Variants in CDH13 observed in about 807,000 individuals in gnomAD.
CDH13 encodes the protein cadherin 13.
In CDH13, 24 loss-of-function variants were observed where a neutral mutation model predicts 63.8. The observed-to-expected ratio is 0.38, with a 90% CI of 0.27 to 0.53. The LOEUF (loss-of-function observed/expected upper bound fraction) is 0.53. Ranked by LOEUF, CDH13 falls within the 20% of genes least tolerant of loss-of-function variation. CDH13 has a pLI of 0.85. For synonymous variants in CDH13, 503 were observed against 355.3 expected, an observed-to-expected ratio of 1.42 and a Z score of -4.67; for missense variants, 1,049 against 903.1, an observed-to-expected ratio of 1.16 and a Z score of -2.07.
intron 6 of CDH13, among the ~76,000 whole-genome samples, chr16:83,365,387 T>A (rs1447536023): frequency 6.6e-6 from 1 of 152,194 alleles, no homozygotes; most frequent in Non-Finnish European, 1.5e-5. Context: ...TTTCTCAGTC[T>A]AATAATTCAA....
intron 4 of CDH13, among the ~76,000 whole-genome samples, chr16:83,143,712 G>C (rs1004213484): frequency 1.3e-5 from 2 of 152,102 alleles, no homozygotes; most frequent in Admixed American, 6.5e-5. Context: ...TGGGTGCTTC[G>C]TTCTGCTCTT....
intron 6 of CDH13, among the ~76,000 whole-genome samples, chr16:83,464,294 T>G (rs575715416): frequency 6.6e-6 from 1 of 152,122 alleles, no homozygotes; most frequent in South Asian, 2.1e-4. Context: ...GGGTGGATCA[T>G]GTGAAGTCAG....
At position 83,718,136 on chromosome 16, in the gene CDH13, C is replaced by T. The variant is rs1467233043; in HGVS notation, c.1539-29972C>T. Among the ~76,000 whole-genome samples, 3 of 152,136 alleles carry T rather than the reference C, an allele frequency of 2.0e-5. No individual in the cohort carries two copies. In the East Asian group the frequency reaches 5.8e-4, roughly 29 times the overall value. On this transcript the variant is annotated intron_variant, in intron 10 of 13. Transcript: ENST00000567109. ...GTTGGCAGAAAATCCCATAAAATAC[C>T]AGCGGGAGAGCAGGAAGTGGGACAG...
chr16:82,828,393 A>G (rs1486905555), intron 1 of CDH13, among the ~76,000 whole-genome samples: 2 of 152,140 alleles, frequency 1.3e-5, no homozygotes, highest in Non-Finnish European at 2.9e-5. Flanking sequence ...CAAGGCAAAC[A>G]GATGACTTGA....
intron 10 of CDH13, among the ~76,000 whole-genome samples, chr16:83,692,612 C>G (rs894728656): frequency 2.0e-5 from 3 of 152,176 alleles, no homozygotes; most frequent in Middle Eastern, 3.2e-3. Flanking sequence ...TTTTGCCAAA[C>G]TTACTATAGG....
chr16:82,722,445 C>G (rs541799566), intron 1 of CDH13, among the ~76,000 whole-genome samples: 1 of 152,182 alleles, frequency 6.6e-6, no homozygotes, highest in Admixed American at 6.5e-5. Flanking sequence ...ACTGAACAGT[C>G]CTTGCAGAGG....
intron 8 of CDH13, among the ~76,000 whole-genome samples, chr16:83,625,195 T>A (rs1034042064): frequency 6.6e-6 from 1 of 150,532 alleles, no homozygotes; most frequent in Non-Finnish European, 1.5e-5. Flanking sequence ...TGCTCATGTG[T>A]GTGTGTGCAT....
intron 8 of CDH13, among the ~76,000 whole-genome samples, chr16:83,633,697 C>T (rs1191460075): frequency 6.6e-6 from 1 of 152,164 alleles, no homozygotes; most frequent in African/African-American, 2.4e-5. Flanking sequence ...CTTTCCGTAG[C>T]ACTTTCTCTC....
chr16:83,457,113 C>T (rs537787794), intron 6 of CDH13, among the ~76,000 whole-genome samples: 2 of 152,300 alleles, frequency 1.3e-5, no homozygotes, highest in Non-Finnish European at 2.9e-5. Context: ...CAAGCCAAAA[C>T]ACCTGGGCAC....
At chr16:83,006,317 C>T (rs1486092230) in intron 2 of CDH13, among the ~76,000 whole-genome samples, 2 of 152,210 alleles carry the variant, frequency 1.3e-5, no homozygotes, top group Non-Finnish European at 2.9e-5. Flanking sequence ...GAGAGGAAAA[C>T]AATTTTGATC....
intron 10 of CDH13, among the ~76,000 whole-genome samples, chr16:83,723,512 G>C (rs1909963295): frequency 6.6e-6 from 1 of 152,102 alleles, no homozygotes; most frequent in Admixed American, 6.5e-5. Context: ...GCCTTCATGT[G>C]ACTGTCTCCT....
chr16:82,792,908 A>G (rs927892574), intron 1 of CDH13, among the ~76,000 whole-genome samples: 35 of 145,266 alleles, frequency 2.4e-4, no homozygotes, highest in African/African-American at 8.7e-4. Flanking sequence ...CACTCTCCCA[A>G]AGGCACCCAT....
intron 4 of CDH13, among the ~76,000 whole-genome samples, chr16:83,130,853 G>C (rs983997128): frequency 6.6e-6 from 1 of 152,164 alleles, no homozygotes; most frequent in Non-Finnish European, 1.5e-5. Flanking sequence ...AAAGAAAGGA[G>C]ACTCATATCC....
At chr16:82,732,104 C>G (rs1334886198) in intron 1 of CDH13, among the ~76,000 whole-genome samples, 3 of 152,144 alleles carry the variant, frequency 2.0e-5, no homozygotes, top group Non-Finnish European at 4.4e-5. Context: ...TGACACTTGA[C>G]TTAATTATAG....
chr16:83,329,623 G>A (rs922897927), intron 5 of CDH13, among the ~76,000 whole-genome samples: 2 of 152,086 alleles, frequency 1.3e-5, no homozygotes, highest in African/African-American at 4.8e-5. Context: ...ATGCTATTGT[G>A]AAACACATCT....
At chr16:83,633,392 T>C (rs1426337914) in intron 8 of CDH13, among the ~76,000 whole-genome samples, 3 of 152,198 alleles carry the variant, frequency 2.0e-5, no homozygotes, top group Non-Finnish European at 4.4e-5. Context: ...GACCTCACCG[T>C]AGAAGAGCAC....
At chr16:82,746,088 C>T (rs2034151084) in intron 1 of CDH13, among the ~76,000 whole-genome samples, 1 of 151,836 alleles carries the variant, frequency 6.6e-6, no homozygotes, top group Admixed American at 6.6e-5. Flanking sequence ...CTATGTCTTT[C>T]TATTTCTCTC....
chr16:83,365,667 A>G (rs1359481637), intron 6 of CDH13, among the ~76,000 whole-genome samples: 1 of 152,132 alleles, frequency 6.6e-6, no homozygotes, highest in Non-Finnish European at 1.5e-5. Flanking sequence ...GGACCCAGGT[A>G]ATCACATGGG....
At chr16:83,056,170 A>G (rs1034138408) in intron 3 of CDH13, among the ~76,000 whole-genome samples, 4 of 152,212 alleles carry the variant, frequency 2.6e-5, no homozygotes, top group Admixed American at 6.5e-5. Flanking sequence ...AGATACTATT[A>G]TACACACATG....
Sources: gnomAD v4.1 joint callset for allele counts (sites outside exome capture counted in the v4.1 genomes callset) on GRCh38, gnomAD v4.1.1 for gene constraint, MANE v1.5 for transcripts, NCBI Gene and HGNC (gene_info 2026-07-23, HGNC 2026-07-21) for gene names.